Variants in ERI1 observed in about 807,000 individuals in gnomAD.
ERI1 encodes 3'-5' exoribonuclease 1.
Under a neutral mutation model 39.7 loss-of-function variants are expected in ERI1, and 39 were observed. The ratio of observed to expected loss-of-function variants is 0.98; its 90% CI spans 0.76 to 1.28. The LOEUF (loss-of-function observed/expected upper bound fraction) is 1.28. Among genes scored for constraint, ERI1 ranks in the 50% most tolerant of loss-of-function variants. The pLI is 0.00. For missense variants in ERI1, 581 were observed against 416.9 expected (o/e 1.39, Z -3.43); for synonymous variants, 204 against 149.6 (o/e 1.36, Z -2.65).
At chr8:9,056,033 C>G (rs1305326321) in intron 3 of ERI1, among the ~76,000 whole-genome samples, 1 of 152,220 alleles carries the variant, frequency 6.6e-6, no homozygotes, top group African/African-American at 2.4e-5. Flanking sequence ...ACTTTCTGAG[C>G]TCCAACATTG....
In ERI1 at chr8:9,017,181, A is replaced by C. The variant is rs530723272; in HGVS notation, c.582+776A>C. On this transcript the variant is annotated intron_variant, in intron 4 of 6. Coordinates refer to ENST00000250263, the MANE Select transcript of ERI1 (RefSeq NM_153332.4). ...CAGCCTCCCAAGTAGCTGAGACTAT[A>C]GGCACACACCACGATGATTGGCTAA... Among the ~76,000 whole-genome samples, 17 of 152,230 alleles carry C rather than the reference A, an allele frequency of 1.1e-4. No homozygotes were observed. The South Asian group carries it at 2.9e-3, about 26-fold the overall frequency.
intron 6 of ERI1, among the ~76,000 whole-genome samples, chr8:9,020,742 C>A (rs901644245): frequency 1.2e-4 from 18 of 152,056 alleles, no homozygotes; most frequent in African/African-American, 4.1e-4. Context: ...CAAATGCTCC[C>A]CACTAGATTT....
At chr8:9,024,005 T>G (rs1818206965) in intron 6 of ERI1, among the ~76,000 whole-genome samples, 2 of 152,042 alleles carry the variant, frequency 1.3e-5, no homozygotes, top group Non-Finnish European at 2.9e-5. Context: ...TTTCACCATA[T>G]TAGCCAGGCT....
chr8:9,023,796 T>TG (rs1818181407), intron 6 of ERI1, among the ~76,000 whole-genome samples: 1 of 122,556 alleles, frequency 8.2e-6, no homozygotes, highest in East Asian at 2.2e-4. Flanking sequence ...AAAATGACTT[T>TG]TTTTTTTTTT....
chr8:9,008,835 G>C (rs539463710), intron 2 of ERI1, among the ~76,000 whole-genome samples: 1 of 152,214 alleles, frequency 6.6e-6, no homozygotes, highest in South Asian at 2.1e-4. Flanking sequence ...AAAAAAAATT[G>C]CCTGTATGAA....
At chr8:9,003,611 CTG>C (rs1174670799) in intron 1 of ERI1, among the ~76,000 whole-genome samples, 3 of 152,322 alleles carry the variant, frequency 2.0e-5, no homozygotes, top group African/African-American at 4.8e-5. Context: ...ATCCCTGTCT[CTG>C]TACCTGTTAA....
chr8:9,064,908 C>T (rs1798826244), intron 3 of ERI1, among the ~76,000 whole-genome samples: 1 of 151,962 alleles, frequency 6.6e-6, no homozygotes, highest in African/African-American at 2.4e-5. Context: ...CGAAGGGAGA[C>T]AGGGGTGGGG....
chr8:9,044,311 G>A (rs897714310), intron 3 of ERI1, among the ~76,000 whole-genome samples: 1 of 152,210 alleles, frequency 6.6e-6, no homozygotes, highest in African/African-American at 2.4e-5. Flanking sequence ...TAGCGGATAA[G>A]TGATCCCGGA....
intron 3 of ERI1, among the ~76,000 whole-genome samples, chr8:9,014,989 C>T (rs978894127): frequency 4.6e-5 from 7 of 152,064 alleles, no homozygotes; most frequent in African/African-American, 1.4e-4. Flanking sequence ...ACGTGCATGC[C>T]ACCTCGCCCA....
intron 3 of ERI1, among the ~76,000 whole-genome samples, chr8:9,015,141 G>C (rs151293126): frequency 1.3e-5 from 2 of 152,182 alleles, no homozygotes; most frequent in African/African-American, 2.4e-5. Flanking sequence ...CTGGCCTCAG[G>C]TGTTCTTTTT....
intron 3 of ERI1, among the ~76,000 whole-genome samples, chr8:9,039,154 C>G (rs898958165): frequency 6.6e-6 from 1 of 152,188 alleles, no homozygotes; most frequent in Non-Finnish European, 1.5e-5. Flanking sequence ...ATACCTGTTA[C>G]TCTTTAACCT....
At chr8:9,003,990 A>C in intron 1 of ERI1, 4 of 905,000 alleles carry the variant, frequency 4.4e-6, no homozygotes, top group African/African-American at 1.7e-5. Context: ...CTCCTGAGTC[A>C]CTTCCATTTG....
At chr8:9,027,905 C>A (rs1366770745) in intron 6 of ERI1, among the ~76,000 whole-genome samples, 1 of 152,156 alleles carries the variant, frequency 6.6e-6, no homozygotes, top group Non-Finnish European at 1.5e-5. Flanking sequence ...GCCATCCTTG[C>A]ATTTCAGGAT....
chr8:9,055,077 G>A (rs1319458401), intron 3 of ERI1, among the ~76,000 whole-genome samples: 1 of 152,230 alleles, frequency 6.6e-6, no homozygotes, highest in Non-Finnish European at 1.5e-5. Flanking sequence ...ATCAGCAGCT[G>A]CCTGAGCCAG....
chr8:9,059,707 A>G (rs889365918), intron 3 of ERI1, among the ~76,000 whole-genome samples: 4 of 152,150 alleles, frequency 2.6e-5, no homozygotes, highest in African/African-American at 9.7e-5. Flanking sequence ...AGCAAAGATT[A>G]TTTATTTACT....
chr8:9,032,925 A>C lies in ERI1; in HGVS notation c.*2891A>C, dbSNP rs772106199. ...CTTTGAAGGAAGACTTTCCATTTCT[A>C]AGCTACCATGGAGAAGTATATGCTC... On this transcript the variant is annotated 3_prime_UTR_variant, in exon 7 of 7. Coordinates refer to ENST00000250263, the MANE Select transcript of ERI1 (RefSeq NM_153332.4). 8.5e-5 allele frequency: 13 copies of C among 152,188 alleles called. No individual in the cohort carries two copies. The highest frequency in any genetic ancestry group is 3.1e-4 in the African/African-American group (13 of 41,444). 9.4% of individuals were successfully genotyped at this position (152,188 alleles called of 1,614,324 possible).
intron 3 of ERI1, among the ~76,000 whole-genome samples, chr8:9,098,240 C>T (rs1039338581): frequency 2.0e-5 from 3 of 152,016 alleles, no homozygotes; most frequent in African/African-American, 7.3e-5. Flanking sequence ...AAATAATTGG[C>T]CGAGCGCAGT....
intron 5 of ERI1, 55 bp downstream of exon 5, chr8:9,018,461 C>T (rs1024300356): frequency 2.0e-6 from 2 of 995,498 alleles, no homozygotes; most frequent in South Asian, 1.5e-5. Context: ...ATTAAAGATA[C>T]CCTTATTTAT....
At chr8:9,010,641 A>G (rs902694117) in intron 2 of ERI1, among the ~76,000 whole-genome samples, 2 of 151,870 alleles carry the variant, frequency 1.3e-5, no homozygotes, top group African/African-American at 4.9e-5. Context: ...TATAATTTAG[A>G]TCTTTTTATT....
Sources: allele counts gnomAD v4.1 joint callset (sites outside exome capture counted in the v4.1 genomes callset), GRCh38; gene constraint gnomAD v4.1.1; transcripts MANE v1.5; gene names NCBI Gene and HGNC (gene_info 2026-07-23, HGNC 2026-07-21).